The following SNRNP70 variants were observed in gnomAD, a reference collection of about 807,000 sequenced individuals.
The protein encoded by SNRNP70 is small nuclear ribonucleoprotein U1 subunit 70.
Under a neutral mutation model 50.5 loss-of-function variants are expected in SNRNP70, and 8 were observed. The observed-to-expected ratio is 0.16, with a 90% CI of 0.09 to 0.29. The LOEUF is 0.29. SNRNP70 is among the 10% of genes least tolerant of loss of function. SNRNP70 has a pLI of 1.00. For missense variants in SNRNP70, 529 were observed against 663.5 expected (o/e 0.80, Z 2.23); for synonymous variants, 320 against 252.9 (o/e 1.27, Z -2.52).
Position 49,086,445 on chromosome 19 carries a change from G to T in SNRNP70, c.31G>T (p.Ala11Ser). 1 of 1,613,770 alleles carries T rather than the reference G, an allele frequency of 6.2e-7. No individual in the cohort carries two copies. The highest frequency in any genetic ancestry group is 1.7e-5 in the Admixed American group (1 of 59,938). ...CCAGTTCCTGCCGCCCAACCTTCTG[G>T]CCCTCTTTGCCCCCCGTGACCCTAT... MTQFLPPNLL[A>S]LFAPRDPIPY... Residue 11 changes from alanine (A) to serine (S), a missense_variant, in exon 2 of 10, where the codon GCC becomes TCC. Ala to Ser is a moderately conservative substitution (Grantham distance 99). Around this residue, in one of 4 missense-constraint regions of SNRNP70, gnomAD observed 149 missense variants for 259.7 expected, o/e 0.57. Coordinates refer to ENST00000598441, the MANE Select transcript of SNRNP70 (RefSeq NM_003089.6).
At chr19:49,089,772 C>G (rs1038926826) in intron 2 of SNRNP70, among the ~76,000 whole-genome samples, 10 of 147,462 alleles carry the variant, frequency 6.8e-5, no homozygotes, top group African/African-American at 2.5e-4. Context: ...ATGCCATTCT[C>G]CTGCCTCAGC....
At chr19:49,096,444 T>G (rs1568419880) in intron 4 of SNRNP70, among the ~76,000 whole-genome samples, 1 of 152,198 alleles carries the variant, frequency 6.6e-6, no homozygotes, top group Non-Finnish European at 1.5e-5. Context: ...GCGATTCCCT[T>G]AAATTGTGGC....
chr19:49,105,506 A>T (rs1600292761), intron 8 of SNRNP70, among the ~76,000 whole-genome samples: 1 of 151,970 alleles, frequency 6.6e-6, no homozygotes, highest in Non-Finnish European at 1.5e-5. Context: ...AGGCGGGTGG[A>T]TCATGAGGTC....
rs970824056 is a variant in SNRNP70 at position 49,108,526 on chromosome 19, C to T, written c.*83C>T. ...TCATCCCCTCCCCCAACCTTGGCCA[C>T]TTGAGTTTGTCCTCCAAGGGTAGGT... On this transcript the variant is annotated 3_prime_UTR_variant, in exon 10 of 10. Coordinates refer to ENST00000598441, the MANE Select transcript of SNRNP70 (RefSeq NM_003089.6). The T allele has an allele frequency of 1.3e-6, 2 of 1,503,664 alleles. No individual in the cohort carries two copies. Among genetic ancestry groups the T allele is most frequent in the African/African-American group, 2.8e-5 (2 of 71,692 alleles). The allele number at this position is 1,503,664 out of a possible 1,614,324, so 93.1% of individuals were successfully genotyped here.
chr19:49,091,955 T>C (rs575832585), intron 4 of SNRNP70, among the ~76,000 whole-genome samples: 1 of 152,190 alleles, frequency 6.6e-6, no homozygotes, highest in South Asian at 2.1e-4. Flanking sequence ...TTCTAACCTT[T>C]TGCTCAGCCT....
rs756583754 is a variant in SNRNP70, at chr19:49,104,194, G to C, written c.476-440G>C. The C allele has an allele frequency of 1.1e-4, 17 of 160,548 alleles. No homozygotes were observed. Among genetic ancestry groups the C allele is most frequent in the Non-Finnish European group, 2.2e-4 (16 of 73,756 alleles). 9.9% of individuals were successfully genotyped at this position (160,548 alleles called of 1,614,324 possible). On this transcript the variant is annotated intron_variant, in intron 7 of 9. Coordinates refer to ENST00000598441, the MANE Select transcript of SNRNP70 (RefSeq NM_003089.6). This position sits in a 1 kb window ranked among gnomAD's most constrained non-coding sequence, Gnocchi z 5.4. Reference sequence around the variant, plus strand: ...GTGGTCTGGGGTGCGGAGCGTCCCAGCTGGGCCTCCTGCCCCGGCTTGGTG... The same window carrying C: ...GTGGTCTGGGGTGCGGAGCGTCCCACCTGGGCCTCCTGCCCCGGCTTGGTG...
At position 49,107,755 on chromosome 19, in the gene SNRNP70, G is replaced by A; in HGVS notation, c.666-40G>A. On this transcript the variant is annotated intron_variant, in intron 9 of 9. Transcript: ENST00000598441. This position sits in a 1 kb window ranked among gnomAD's most constrained non-coding sequence, Gnocchi z 6.0. ...GTGTCCTGGGGTGGGGGGCGGTCAC[G>A]GGGGGAGCCCAGCCACACAGGTCTG... 1.2e-6 allele frequency: 2 copies of A among 1,612,052 alleles called. No homozygotes were observed. Among genetic ancestry groups the A allele is most frequent in the Non-Finnish European group, 1.7e-6 (2 of 1,179,414 alleles).
At chr19:49,089,656 A>AGTT (rs2040423862) in intron 2 of SNRNP70, among the ~76,000 whole-genome samples, 1 of 82,586 alleles carries the variant, frequency 1.2e-5, no homozygotes, top group Non-Finnish European at 2.2e-5. Context: ...TTGAGACAGG[A>AGTT]TTTTTTTTTT....
intron 4 of SNRNP70, among the ~76,000 whole-genome samples, chr19:49,097,907 T>TCTTA (rs2040532955): frequency 1.3e-5 from 2 of 152,172 alleles, no homozygotes; most frequent in Admixed American, 6.5e-5. Flanking sequence ...GCTTACTTAG[T>TCTTA]GTTTGCTTTC....
Position 49,104,349 on chromosome 19 carries a change from G to A in SNRNP70, c.476-285G>A. 5.1e-6 allele frequency: 2 copies of A among 396,018 alleles called. No homozygotes were observed. Among genetic ancestry groups the A allele is most frequent in the East Asian group, 4.8e-5 (1 of 20,956 alleles). The allele number at this position is 396,018 out of a possible 1,614,324, so 24.5% of individuals were successfully genotyped here. A position where few individuals can be genotyped will look rare whatever the true frequency, so the allele number is the denominator to read the frequency against. Reference sequence around the variant, plus strand: ...CGGGAGGGGGCTGTTCCATCATGTGGGAGAGGAAGGGCCGGGGAGCCTAGG... The same window carrying A: ...CGGGAGGGGGCTGTTCCATCATGTGAGAGAGGAAGGGCCGGGGAGCCTAGG... On this transcript the variant is annotated intron_variant, in intron 7 of 9. Transcript: ENST00000598441. The surrounding 1 kb of genome is among the most constrained non-coding windows in gnomAD (Gnocchi z 5.4).
chr19:49,097,901 A>G (rs1293208422), intron 4 of SNRNP70, among the ~76,000 whole-genome samples: 3 of 152,212 alleles, frequency 2.0e-5, no homozygotes. Context: ...AGCAGAGCTT[A>G]CTTAGTGTTT....
Position 49,086,537 on chromosome 19 carries a change from T to A in SNRNP70, c.123T>A (p.Ile41=). 2 of 1,613,980 alleles carry A rather than the reference T, an allele frequency of 1.2e-6. No individual in the cohort carries two copies. The highest frequency in any genetic ancestry group is 1.7e-6 in the Non-Finnish European group (2 of 1,179,974). Residue 41 remains isoleucine (I), a synonymous_variant, in exon 2 of 10, where the codon ATT becomes ATA. Coordinates refer to ENST00000598441, the MANE Select transcript of SNRNP70 (RefSeq NM_003089.6). ...ACCACAATCAACCTTATTGTGGCATTGCGCCGTACATTCGAGAGTTTGAGG... is the reference window on the plus strand; with the variant it reads ...ACCACAATCAACCTTATTGTGGCATAGCGCCGTACATTCGAGAGTTTGAGG... ...EKHHNQPYCG[I]APYIREFEDP...
intron 2 of SNRNP70, among the ~76,000 whole-genome samples, chr19:49,089,984 A>G (rs116454912): frequency 0.019 from 2,848 of 151,880 alleles, 96 homozygotes; most frequent in African/African-American, 0.065. Context: ...TAATTTTTAA[A>G]TTTTTTGTGG....
At chr19:49,099,615 C>T (rs1289529138) in intron 6 of SNRNP70, among the ~76,000 whole-genome samples, 4 of 151,468 alleles carry the variant, frequency 2.6e-5, no homozygotes, top group Non-Finnish European at 5.9e-5. Context: ...AGCGGGCGCC[C>T]GTAATCCCAG....
chr19:49,103,560 G>A (rs941729579), intron 7 of SNRNP70: 3 of 151,476 alleles, frequency 2.0e-5, no homozygotes, highest in African/African-American at 4.9e-5. Flanking sequence ...CATCCCGCTC[G>A]GTTTGGACAC....
Position 49,085,500 on chromosome 19 carries a change from C to A in SNRNP70, c.-147C>A. On this transcript the variant is annotated 5_prime_UTR_variant, in exon 1 of 10. Coordinates refer to ENST00000598441, the MANE Select transcript of SNRNP70 (RefSeq NM_003089.6). ...TGGCTGAGCAGCGGCCTGGTGCGCT[C>A]GCTTAGCGGGCGACGGAATCAGACG... 2.2e-6 allele frequency: 1 copy of A among 453,986 alleles called. No individual in the cohort carries two copies. Among genetic ancestry groups the A allele is most frequent in the Admixed American group, 2.4e-5 (1 of 42,460 alleles). The allele number at this position is 453,986 out of a possible 1,614,324, so 28.1% of individuals were successfully genotyped here. A position where few individuals can be genotyped will look rare whatever the true frequency, so the allele number is the denominator to read the frequency against.
intron 4 of SNRNP70, among the ~76,000 whole-genome samples, chr19:49,092,140 C>A (rs955268274): frequency 6.6e-6 from 1 of 152,086 alleles, no homozygotes; most frequent in African/African-American, 2.4e-5. Context: ...GAGGCAGCCT[C>A]GCTCTGTCGC....
chr19:49,105,863 C>T (rs2040660724), intron 8 of SNRNP70, among the ~76,000 whole-genome samples: 1 of 152,360 alleles, frequency 6.6e-6, no homozygotes, highest in Non-Finnish European at 1.5e-5. Flanking sequence ...CCCAGCGCAG[C>T]AGGCCACAGG....
intron 4 of SNRNP70, among the ~76,000 whole-genome samples, chr19:49,097,382 C>T (rs545095238): frequency 6.6e-6 from 1 of 152,242 alleles, no homozygotes; most frequent in African/African-American, 2.4e-5. Flanking sequence ...GTGTCTGGGC[C>T]ATAGTACGTG....
Sources: allele counts gnomAD v4.1 joint callset (sites outside exome capture counted in the v4.1 genomes callset), GRCh38; gene constraint gnomAD v4.1.1; regional missense constraint gnomAD v4.1.1; non-coding constraint Gnocchi (gnomAD v3.1); transcripts MANE v1.5; gene names NCBI Gene and HGNC (gene_info 2026-07-23, HGNC 2026-07-21).